The following ISL2 variants were observed in gnomAD, a reference collection of about 807,000 sequenced individuals.
ISL2 encodes the protein insulin gene enhancer protein ISL-2.
ISL2 carries 17 observed loss-of-function variants against 34.6 expected under a neutral mutation model. That is an observed-to-expected ratio of 0.49 (90% confidence interval 0.34 to 0.74). The LOEUF (loss-of-function observed/expected upper bound fraction) is 0.74, where lower values mean the gene tolerates loss of function less well. Ranked by LOEUF, ISL2 falls within the 30% of genes least tolerant of loss-of-function variation. The pLI, the probability that ISL2 is intolerant of heterozygous loss-of-function variation, is 0.01. For synonymous variants in ISL2, 232 were observed against 225.5 expected (o/e 1.03, Z -0.26); for missense variants, 469 against 515.2 (o/e 0.91, Z 0.87).
chr15:76,337,933 G>A lies in ISL2; in HGVS notation c.214G>A (p.Asp72Asn). ...CGAGACGTGCACGTGCTTCGTGAGA[G>A]ACGGGAAGACCTACTGCAAGCGGGA... ...LDETCTCFVR[D>N]GKTYCKRDYV... The change falls in exon 2 of 6, where the codon GAC becomes AAC. Residue 72 changes from aspartate to asparagine, a missense_variant. By Grantham distance (23) the Asp-to-Asn change is conservative. Around this residue, in one of 3 missense-constraint regions of ISL2, gnomAD observed 297 missense variants for 337.8 expected, o/e 0.88. Transcript: ENST00000290759. 1.2e-6 allele frequency: 2 copies of A among 1,609,428 alleles called. No homozygotes were observed. Among genetic ancestry groups the A allele is most frequent in the East Asian group, 2.2e-5 (1 of 44,492 alleles).
rs1048446168 is a variant in ISL2, at chr15:76,338,537, C to T, written c.511+23C>T. ...CCGGTAAGCGCGCCGGGGCCTGTGCCGGGGTGAGCGGGGTGTATGTGCGTG... is the reference window on the plus strand; with the variant it reads ...CCGGTAAGCGCGCCGGGGCCTGTGCTGGGGTGAGCGGGGTGTATGTGCGTG... On this transcript the variant is annotated intron_variant, in intron 3 of 5. Coordinates refer to ENST00000290759, the MANE Select transcript of ISL2 (RefSeq NM_145805.3). 3.9e-6 allele frequency: 5 copies of T among 1,293,968 alleles called. No individual in the cohort carries two copies. In the South Asian group the frequency reaches 1.5e-4, roughly 38 times the overall value. 80.2% of individuals were successfully genotyped at this position (1,293,968 alleles called of 1,614,324 possible). A position where few individuals can be genotyped will look rare whatever the true frequency, so the allele number is the denominator to read the frequency against.
intron 3 of ISL2, chr15:76,338,727 T>G (rs936094998): frequency 4.3e-5 from 42 of 985,324 alleles, no homozygotes; most frequent in Non-Finnish European, 4.9e-5. Flanking sequence ...TATGAGTGTG[T>G]GAGCACGGAG....
Position 76,336,817 on chromosome 15 carries a change from AGGCCG to A in ISL2, c.-63_-59del. ...GTAGGAGTTAGTTAGCAAAGAGCCG[AGGCCG>A]GGCGCGCGACCCTCGTCCTTCTGCC... On this transcript the variant is annotated 5_prime_UTR_variant, in exon 1 of 6. Coordinates refer to ENST00000290759, the MANE Select transcript of ISL2 (RefSeq NM_145805.3). 1 of 1,420,578 alleles carries A rather than the reference AGGCCG, an allele frequency of 7.0e-7. No homozygotes were observed. Among genetic ancestry groups the A allele is most frequent in the Non-Finnish European group, 1.0e-6 (1 of 1,004,422 alleles). 88.0% of individuals were successfully genotyped at this position (1,420,578 alleles called of 1,614,324 possible). A position where few individuals can be genotyped will look rare whatever the true frequency, so the allele number is the denominator to read the frequency against.
intron 3 of ISL2, 188 bp from the exon 4 acceptor site, chr15:76,340,088 G>T: frequency 4.3e-6 from 6 of 1,405,804 alleles, no homozygotes; most frequent in Non-Finnish European, 5.5e-6. Flanking sequence ...GCGAGAGAAA[G>T]AACGAAAATG....
At chr15:76,339,064 A>G (rs2040173548) in intron 3 of ISL2, 14 of 985,386 alleles carry the variant, frequency 1.4e-5, no homozygotes, top group South Asian at 4.7e-5. Flanking sequence ...GGGAGTATCA[A>G]TGCATAGTGG....
At position 76,336,939 on chromosome 15, in the gene ISL2, A is replaced by G. The variant is rs1251332448; in HGVS notation, c.56A>G (p.Lys19Arg). 6 of 1,609,422 alleles carry G rather than the reference A, an allele frequency of 3.7e-6. No homozygotes were observed. Among genetic ancestry groups the G allele is most frequent in the African/African-American group, 1.3e-5 (1 of 74,774 alleles). Residue 19 changes from lysine to arginine, a missense_variant and splice_region_variant, in exon 1 of 6, where the codon AAG (lysine) becomes AGG (arginine). By Grantham distance (26) the Lys-to-Arg change is conservative (BLOSUM62 2). Around this residue, in one of 3 missense-constraint regions of ISL2, gnomAD observed 297 missense variants for 337.8 expected, o/e 0.88. Transcript: ENST00000290759. ...PFLGAMGDHS[K>R]KKPGTAMCVG... ...CTGGGTGCTATGGGTGATCATTCCAAGAGTAAGTATTTCTGTGTGTGTGTG... is the reference window on the plus strand; with the variant it reads ...CTGGGTGCTATGGGTGATCATTCCAGGAGTAAGTATTTCTGTGTGTGTGTG...
chr15:76,336,860 CTT>C lies in ISL2; in HGVS notation c.-22_-21del. ...TCGTCCTTCTGCCCCTGGCCGCACA[CTT>C]TGCGCACATCTCTTTTTCTGCATGG... On this transcript the variant is annotated 5_prime_UTR_variant, in exon 1 of 6. Transcript: ENST00000290759. 2 of 1,610,034 alleles carry C rather than the reference CTT, an allele frequency of 1.2e-6. No homozygotes were observed. The highest frequency in any genetic ancestry group is 1.7e-6 in the Non-Finnish European group (2 of 1,176,256).
intron 4 of ISL2, 136 bp from the exon 5 acceptor site, chr15:76,340,998 C>T: frequency 2.3e-6 from 2 of 874,360 alleles, no homozygotes; most frequent in Non-Finnish European, 3.4e-6. Context: ...AGGGCTCTTC[C>T]GATGCGATCG....
At position 76,342,097 on chromosome 15, in the gene ISL2, T is replaced by A. The variant is rs1404838178; in HGVS notation, c.*262T>A. On this transcript the variant is annotated 3_prime_UTR_variant, in exon 6 of 6. Transcript: ENST00000290759. ...GGACTTACCAGGGTTAGCTCTGCCC[T>A]CTCCTCTCCTCTCTACGTGGCCGCC... The A allele has an allele frequency of 1.2e-5, 4 of 332,320 alleles. No homozygotes were observed. Among genetic ancestry groups the A allele is most frequent in the Admixed American group, 4.6e-5 (1 of 21,888 alleles). The allele number at this position is 332,320 out of a possible 1,614,324, so 20.6% of individuals were successfully genotyped here. A position where few individuals can be genotyped will look rare whatever the true frequency, so the allele number is the denominator to read the frequency against.
At chr15:76,340,221 G>C (rs1392504894) in intron 3 of ISL2, 55 bp from the exon 4 acceptor site, 2 of 1,475,162 alleles carry the variant, frequency 1.4e-6, no homozygotes. Context: ...GGTTGGGCTC[G>C]GGGCGGGTGG....
intron 2 of ISL2, 58 bp from the exon 3 acceptor site, chr15:76,338,194 A>G: frequency 6.6e-7 from 1 of 1,507,556 alleles, no homozygotes; most frequent in East Asian, 2.7e-5. Flanking sequence ...CGTAGCAGCC[A>G]GGGAGATGAG....
intron 1 of ISL2, chr15:76,337,389 C>T (rs1306294842): frequency 3.2e-6 from 1 of 312,352 alleles, no homozygotes; most frequent in East Asian, 6.6e-5. Flanking sequence ...GAGGCAGCCG[C>T]TGTGAGTGGG....
chr15:76,336,804 T>A lies in ISL2; in HGVS notation c.-80T>A. 7.8e-7 allele frequency: 1 copy of A among 1,275,674 alleles called. No individual in the cohort carries two copies. Among genetic ancestry groups the A allele is most frequent in the Non-Finnish European group, 1.1e-6 (1 of 873,380 alleles). 79.0% of individuals were successfully genotyped at this position (1,275,674 alleles called of 1,614,324 possible). ...ACTCCGCGGGGCAGTAGGAGTTAGT[T>A]AGCAAAGAGCCGAGGCCGGGCGCGC... On this transcript the variant is annotated 5_prime_UTR_variant, in exon 1 of 6. Transcript: ENST00000290759.
intron 3 of ISL2, chr15:76,339,874 C>T (rs564333649): frequency 4.0e-5 from 41 of 1,023,186 alleles, no homozygotes; most frequent in Non-Finnish European, 4.6e-5. Flanking sequence ...CGGTCCCTTT[C>T]CCTCTCCAGA....
At chr15:76,339,939 C>T in intron 3 of ISL2, 1 of 1,130,660 alleles carries the variant, frequency 8.8e-7, no homozygotes, top group Non-Finnish European at 1.1e-6. Context: ...TTCCGGAGGG[C>T]TTCGCTCGTT....
In ISL2 at chr15:76,340,322, G is replaced by A. The variant is rs1183565171; in HGVS notation, c.558G>A (p.Lys186=). 3.7e-6 allele frequency: 6 copies of A among 1,611,504 alleles called. No individual in the cohort carries two copies. Among genetic ancestry groups the A allele is most frequent in the Non-Finnish European group, 5.1e-6 (6 of 1,179,734 alleles). The change falls in exon 4 of 6, where the codon AAG becomes AAA. Residue 186 remains lysine (K), a synonymous_variant. Coordinates refer to ENST00000290759, the MANE Select transcript of ISL2 (RefSeq NM_145805.3). ...CCGCGTTGCGCCCGCACGTGCACAA[G>A]CAGACGGAGAAGACGACCCGCGTGC... The part of the protein sequence containing the change: ...RQPALRPHVH[K]QTEKTTRVRT...
rs187841449 is a variant in ISL2 at position 76,336,988 on chromosome 15, A to C, written c.58+47A>C. Reference sequence around the variant, plus strand: ...TGGGGTGGGGTGTGTGTGTATGCTTAATATGCAAAATTTCTAATGCAGAAA... The same window carrying C: ...TGGGGTGGGGTGTGTGTGTATGCTTCATATGCAAAATTTCTAATGCAGAAA... On this transcript the variant is annotated intron_variant, in intron 1 of 5. Coordinates refer to ENST00000290759, the MANE Select transcript of ISL2 (RefSeq NM_145805.3). 3 of 1,506,512 alleles carry C rather than the reference A, an allele frequency of 2.0e-6. No homozygotes were observed. The Admixed American group carries it at 5.1e-5, about 26-fold the overall frequency. The allele number at this position is 1,506,512 out of a possible 1,614,324, so 93.3% of individuals were successfully genotyped here. A position where few individuals can be genotyped will look rare whatever the true frequency, so the allele number is the denominator to read the frequency against.
In ISL2 at chr15:76,342,030, C is replaced by T. The variant is rs2040198236; in HGVS notation, c.*195C>T. 2 of 554,400 alleles carry T rather than the reference C, an allele frequency of 3.6e-6. No individual in the cohort carries two copies. The allele number at this position is 554,400 out of a possible 1,614,324, so 34.3% of individuals were successfully genotyped here. On this transcript the variant is annotated 3_prime_UTR_variant, in exon 6 of 6. Transcript: ENST00000290759. ...CAACCTGCTTTCACCAGACTGCAGACCCCTGCTCCGAGGACTCTTAGTTTT... is the reference window on the plus strand; with the variant it reads ...CAACCTGCTTTCACCAGACTGCAGATCCCTGCTCCGAGGACTCTTAGTTTT...
In ISL2 at chr15:76,338,271, G is replaced by A. The variant is rs2040167621; in HGVS notation, c.268G>A (p.Ala90Thr). 8 of 1,575,216 alleles carry A rather than the reference G, an allele frequency of 5.1e-6. No homozygotes were observed. The East Asian group carries it at 1.4e-4, about 28-fold the overall frequency. The change falls in exon 3 of 6, where the codon GCC (alanine) becomes ACC (threonine). Residue 90 changes from alanine to threonine, a missense_variant. By Grantham distance (58) the Ala-to-Thr change is moderately conservative. Around this residue, in one of 3 missense-constraint regions of ISL2, gnomAD observed 297 missense variants for 337.8 expected, o/e 0.88. Coordinates refer to ENST00000290759, the MANE Select transcript of ISL2 (RefSeq NM_145805.3). ...DYVRLFGIKC[A>T]KCQVGFSSSD... Reference sequence around the variant, plus strand: ...CCGCAGGCTGTTCGGCATCAAGTGCGCCAAGTGCCAGGTGGGCTTCAGCAG... The same window carrying A: ...CCGCAGGCTGTTCGGCATCAAGTGCACCAAGTGCCAGGTGGGCTTCAGCAG...
Sources: allele counts gnomAD v4.1 joint callset, GRCh38; gene constraint gnomAD v4.1.1; regional missense constraint gnomAD v4.1.1; transcripts MANE v1.5; gene names NCBI Gene and HGNC (gene_info 2026-07-23, HGNC 2026-07-21).